Variants in AFF3 observed in about 807,000 individuals in gnomAD.
AFF3 encodes AF4/FMR2 family member 3.
In AFF3, 32 loss-of-function variants were observed where a neutral mutation model predicts 129.7. The observed-to-expected ratio is 0.25, with a 90% CI of 0.19 to 0.33. AFF3 has a LOEUF of 0.33. AFF3 is among the 10% of genes least tolerant of loss of function. AFF3 has a pLI of 1.00. For synonymous variants in AFF3, 644 were observed against 635.4 expected (o/e 1.01, Z -0.20); for missense variants, 1,373 against 1,592.0 (o/e 0.86, Z 2.34).
Position 100,061,271 on chromosome 2 carries a change from TAAC to T in AFF3, c.53+43128_53+43130del, listed in dbSNP as rs1687249932. ...TAAGCTCCATCTCCTTAATGGGGAG[TAAC>T]TATATAAATATAACCTTATTTTTAA... On this transcript the variant is annotated intron_variant, in intron 4 of 24. Transcript: ENST00000672756. 5.3e-5 allele frequency among the ~76,000 whole-genome samples: 8 copies of T among 152,030 alleles called. No homozygotes were observed. The South Asian group carries it at 1.7e-3, about 32-fold the overall frequency.
chr2:100,039,313 C>CT (rs1402245733), intron 4 of AFF3, among the ~76,000 whole-genome samples: 1 of 152,148 alleles, frequency 6.6e-6, no homozygotes, highest in Non-Finnish European at 1.5e-5. Context: ...AGACTCAGGG[C>CT]TTTAGGAGAC....
intron 18 of AFF3, among the ~76,000 whole-genome samples, chr2:99,576,997 G>A (rs1219887477): frequency 1.3e-5 from 2 of 152,084 alleles, no homozygotes; most frequent in East Asian, 3.9e-4. Context: ...TGAGGGCCAG[G>A]AGTGTGTGTG....
At chr2:99,727,559 ATTTTT>A (rs35336994) in intron 10 of AFF3, among the ~76,000 whole-genome samples, 1 of 127,732 alleles carries the variant, frequency 7.8e-6, no homozygotes, top group Non-Finnish European at 1.7e-5. Context: ...GGAGGAAAGA[ATTTTT>A]TTTTTTTTTT....
At chr2:99,703,079 A>G (rs1173288798) in intron 11 of AFF3, among the ~76,000 whole-genome samples, 1 of 152,214 alleles carries the variant, frequency 6.6e-6, no homozygotes, top group Non-Finnish European at 1.5e-5. Context: ...TTAAAACACC[A>G]CAAGTATATT....
intron 7 of AFF3, among the ~76,000 whole-genome samples, chr2:99,859,072 G>T (rs1051992465): frequency 6.6e-6 from 1 of 152,166 alleles, no homozygotes; most frequent in African/African-American, 2.4e-5. Context: ...AAGCAGCTCC[G>T]CTTCTCCTGT....
intron 8 of AFF3, among the ~76,000 whole-genome samples, chr2:99,808,033 C>T (rs1193791146): frequency 6.7e-6 from 1 of 149,156 alleles, no homozygotes; most frequent in Non-Finnish European, 1.5e-5. Flanking sequence ...GGAATCCCTC[C>T]CTCGCCAATG....
intron 13 of AFF3, among the ~76,000 whole-genome samples, chr2:99,641,124 G>T: frequency 6.6e-6 from 1 of 152,224 alleles, no homozygotes; most frequent in South Asian, 2.1e-4. Flanking sequence ...TGGGTCACCC[G>T]ATGCTTCCTG....
chr2:100,037,433 T>C (rs894949091), intron 4 of AFF3, among the ~76,000 whole-genome samples: 3 of 130,710 alleles, frequency 2.3e-5, no homozygotes, highest in Admixed American at 9.2e-5. Flanking sequence ...TATAAATATA[T>C]ATTTATATTT....
chr2:99,996,726 G>A (rs978567013), intron 7 of AFF3, among the ~76,000 whole-genome samples: 4 of 152,010 alleles, frequency 2.6e-5, no homozygotes, highest in Non-Finnish European at 5.9e-5. Flanking sequence ...ACGAAGACCT[G>A]TTACTTACAA....
intron 13 of AFF3, among the ~76,000 whole-genome samples, chr2:99,606,538 C>T (rs1396715960): frequency 6.6e-6 from 1 of 152,094 alleles, no homozygotes; most frequent in Non-Finnish European, 1.5e-5. Flanking sequence ...AAAAATCCAA[C>T]ACTGGGTTAA....
intron 7 of AFF3, among the ~76,000 whole-genome samples, chr2:100,003,094 TG>T (rs950559106): frequency 2.5e-4 from 2 of 8,024 alleles, no homozygotes; most frequent in Admixed American, 2.0e-3. Context: ...TCTAAGGCTC[TG>T]GGGAGTTGGG....
chr2:99,841,717 A>G (rs1689332845), intron 7 of AFF3, among the ~76,000 whole-genome samples: 1 of 152,186 alleles, frequency 6.6e-6, no homozygotes, highest in Non-Finnish European at 1.5e-5. Context: ...TAACAGATGG[A>G]GATGCCATGG....
chr2:99,869,983 G>A (rs1691747432), intron 7 of AFF3, among the ~76,000 whole-genome samples: 1 of 152,202 alleles, frequency 6.6e-6, no homozygotes, highest in Non-Finnish European at 1.5e-5. Context: ...GCCTGCCAGG[G>A]CTGTGCACCT....
intron 8 of AFF3, among the ~76,000 whole-genome samples, chr2:99,772,676 A>G (rs957621621): frequency 1.3e-5 from 2 of 152,164 alleles, no homozygotes; most frequent in African/African-American, 4.8e-5. Flanking sequence ...CACCACTTTT[A>G]TTTCAGAGTT....
intron 8 of AFF3, among the ~76,000 whole-genome samples, chr2:99,773,698 T>G (rs1683672301): frequency 6.6e-6 from 1 of 152,222 alleles, no homozygotes; most frequent in Non-Finnish European, 1.5e-5. Flanking sequence ...AAGTCAGTCC[T>G]ATTCAACATA....
intron 4 of AFF3, among the ~76,000 whole-genome samples, chr2:100,056,179 A>G (rs1686769793): frequency 1.3e-5 from 2 of 151,864 alleles, no homozygotes; most frequent in Non-Finnish European, 2.9e-5. Flanking sequence ...CTTGTCTGTG[A>G]CACCAGAGAC....
intron 7 of AFF3, among the ~76,000 whole-genome samples, chr2:99,983,777 G>A (rs1019754945): frequency 1.3e-5 from 2 of 152,122 alleles, no homozygotes; most frequent in African/African-American, 2.4e-5. Context: ...GAAGAAAGAG[G>A]ATAATGCTGT....
chr2:99,921,083 T>C (rs556662925), intron 7 of AFF3, among the ~76,000 whole-genome samples: 7 of 152,032 alleles, frequency 4.6e-5, no homozygotes, highest in Non-Finnish European at 8.8e-5. Flanking sequence ...TTCAATACCA[T>C]CCAAGTCAAA....
chr2:100,037,718 T>A (rs1304368896), intron 4 of AFF3, among the ~76,000 whole-genome samples: 1 of 127,912 alleles, frequency 7.8e-6, no homozygotes, highest in Admixed American at 9.6e-5. Context: ...ATTTATATAT[T>A]ATATATATTT....
Sources: allele counts gnomAD v4.1 joint callset (sites outside exome capture counted in the v4.1 genomes callset), GRCh38; gene constraint gnomAD v4.1.1; transcripts MANE v1.5; gene names NCBI Gene and HGNC (gene_info 2026-07-23, HGNC 2026-07-21).